NLRP5: variants seen among roughly 807,000 people sequenced by gnomAD.
The protein encoded by NLRP5 is NACHT, LRR and PYD domains-containing protein 5.
In NLRP5, 93 loss-of-function variants were observed where a neutral mutation model predicts 113.1. The ratio of observed to expected loss-of-function variants is 0.82; its 90% CI spans 0.70 to 0.98. The LOEUF (loss-of-function observed/expected upper bound fraction) is 0.98, where lower values mean the gene tolerates loss of function less well. NLRP5 is among the 50% of genes least tolerant of loss of function. The pLI is 0.00. For missense variants in NLRP5, 1,808 were observed against 1,514.3 expected (o/e 1.19, Z -3.22); for synonymous variants, 751 against 600.7 (o/e 1.25, Z -3.66).
rs1287116307 is a variant in NLRP5, at chr19:56,038,195, T to C, written c.2786T>C (p.Ile929Thr). 2.5e-6 allele frequency: 4 copies of C among 1,613,064 alleles called. No homozygotes were observed. The highest frequency in any genetic ancestry group is 2.5e-6 in the Non-Finnish European group (3 of 1,179,366). Residue 929 changes from isoleucine to threonine, a missense_variant and splice_region_variant, in exon 10 of 15, where the codon ATA becomes ACA. Ile to Thr is a moderately conservative substitution (Grantham distance 89). Transcript: ENST00000390649. ...TCCCAGTGCGCCCTGCAGAAGCTGATGTGAGTGCCACTTCCTTTCCACCAG... is the reference window on the plus strand; with the variant it reads ...TCCCAGTGCGCCCTGCAGAAGCTGACGTGAGTGCCACTTCCTTTCCACCAG...
chr19:56,040,028 G>A (rs1435261145), intron 10 of NLRP5, among the ~76,000 whole-genome samples: 1 of 152,152 alleles, frequency 6.6e-6, no homozygotes, highest in Non-Finnish European at 1.5e-5. Context: ...ACAGCTCACT[G>A]CAGCCTCTAC....
chr19:56,016,361 C>T lies in NLRP5; in HGVS notation c.565+563C>T, dbSNP rs185113979. 2.4e-3 allele frequency among the ~76,000 whole-genome samples: 369 copies of T among 152,132 alleles called. 3 individuals are homozygous for T. The highest frequency in any genetic ancestry group is 0.019 in the South Asian group (91 of 4,822). On this transcript the variant is annotated intron_variant, in intron 4 of 14. Coordinates refer to ENST00000390649, the MANE Select transcript of NLRP5 (RefSeq NM_153447.4). ...AGAGACAGGGTTTCTGCATGTTGGT[C>T]AGGCTGGTCTGGAACTCCCGACCTC...
At chr19:55,992,248 T>C in the NLRP5 span, among the ~76,000 whole-genome samples, 1 of 152,200 alleles carries the variant, frequency 6.6e-6, no homozygotes, top group East Asian at 1.9e-4. Flanking sequence ...GTGTACCACA[T>C]TTTCTTTATC....
chr19:56,053,941 G>C, intron 13 of NLRP5, 133 bp downstream of exon 13: 1 of 747,610 alleles, frequency 1.3e-6, no homozygotes, highest in Non-Finnish European at 2.2e-6. Context: ...TGCAACCTTC[G>C]CAGCACCACA....
At chr19:56,035,655 AT>A (rs1359626238) in intron 9 of NLRP5, among the ~76,000 whole-genome samples, 2 of 152,174 alleles carry the variant, frequency 1.3e-5, no homozygotes, top group Non-Finnish European at 2.9e-5. Context: ...CAACTAATGA[AT>A]TTACCTTCTC....
At chr19:56,054,567 GAAAA>G (rs10537523) in intron 13 of NLRP5, among the ~76,000 whole-genome samples, 13,488 of 139,148 alleles carry the variant, frequency 0.097, 755 homozygotes, top group East Asian at 0.21. Flanking sequence ...CAAAAAAAGT[GAAAA>G]AAAAAAAAAA....
upstream of NLRP5, among the ~76,000 whole-genome samples, chr19:55,998,817 A>G (rs114413395): frequency 0.01 from 1,523 of 150,454 alleles, 30 homozygotes; most frequent in African/African-American, 0.035. Context: ...TTAATTGACA[A>G]TAATTGTATA....
upstream of NLRP5, among the ~76,000 whole-genome samples, chr19:55,996,203 C>T (rs1751984847): frequency 6.6e-6 from 1 of 152,178 alleles, no homozygotes; most frequent in South Asian, 2.1e-4. Context: ...AAGTGGGCAC[C>T]CTGTGTGCCA....
At chr19:56,005,476 T>TAC (rs370942099) in intron 2 of NLRP5, among the ~76,000 whole-genome samples, 36 of 146,324 alleles carry the variant, frequency 2.5e-4, no homozygotes, top group African/African-American at 6.3e-4. Flanking sequence ...CACATATTTA[T>TAC]ACACACACAC....
intron 2 of NLRP5, among the ~76,000 whole-genome samples, chr19:56,005,643 C>T (rs530298492): frequency 1.8e-3 from 215 of 122,448 alleles, no homozygotes; most frequent in Non-Finnish European, 2.9e-3. Flanking sequence ...CACACACACA[C>T]GCGCGCAGGT....
chr19:56,029,673 C>G (rs1983016666), intron 7 of NLRP5, among the ~76,000 whole-genome samples: 1 of 152,222 alleles, frequency 6.6e-6, no homozygotes, highest in Non-Finnish European at 1.5e-5. Flanking sequence ...TGACCCAGAA[C>G]ACAGCAGTGA....
At chr19:56,038,445 A>T (rs1363355871) in intron 10 of NLRP5, among the ~76,000 whole-genome samples, 1 of 152,176 alleles carries the variant, frequency 6.6e-6, no homozygotes, top group Non-Finnish European at 1.5e-5. Context: ...GAAATTGCAT[A>T]ATGACCTTCC....
intron 1 of NLRP5, among the ~76,000 whole-genome samples, chr19:56,002,943 A>T (rs563313645): frequency 6.6e-6 from 1 of 152,200 alleles, no homozygotes; most frequent in African/African-American, 2.4e-5. Flanking sequence ...GATCATTAAA[A>T]AGTCAGGAAA....
chr19:56,014,349 G>A (rs868583348), intron 3 of NLRP5, among the ~76,000 whole-genome samples: 16 of 152,044 alleles, frequency 1.1e-4, no homozygotes, highest in East Asian at 1.9e-4. Flanking sequence ...GCATGGTGGC[G>A]CTTTCCTGTA....
intron 6 of NLRP5, among the ~76,000 whole-genome samples, chr19:56,022,076 G>A (rs1305035745): frequency 1.3e-5 from 2 of 152,198 alleles, no homozygotes; most frequent in African/African-American, 4.8e-5. Flanking sequence ...ATGGTTGCCA[G>A]TGTTGTCAAC....
At position 56,040,407 on chromosome 19, in the gene NLRP5, T is replaced by G. The variant is rs146198683; in HGVS notation, c.2787-515T>G. ...ATATGGTGAAGCCCTGTCTCTACCATAAATACAAAAATTAGTCAAACATGG... is the reference window on the plus strand; with the variant it reads ...ATATGGTGAAGCCCTGTCTCTACCAGAAATACAAAAATTAGTCAAACATGG... On this transcript the variant is annotated intron_variant, in intron 10 of 14. Transcript: ENST00000390649. Among the ~76,000 whole-genome samples, 321 of 152,018 alleles carry G rather than the reference T, an allele frequency of 2.1e-3. 2 individuals are homozygous for G. The highest frequency in any genetic ancestry group is 6.5e-3 in the African/African-American group (271 of 41,464).
chr19:55,990,835 AAAG>A, the NLRP5 span, among the ~76,000 whole-genome samples: 1 of 151,972 alleles, frequency 6.6e-6, no homozygotes, highest in African/African-American at 2.4e-5. Context: ...AAAAAGAAAA[AAAG>A]CTGGGCATGG....
chr19:56,041,804 C>T (rs1488269951), intron 11 of NLRP5, among the ~76,000 whole-genome samples: 2 of 152,072 alleles, frequency 1.3e-5, no homozygotes, highest in Non-Finnish European at 2.9e-5. Flanking sequence ...AAAAAATTAG[C>T]CGGGTGTGGT....
Position 56,060,447 on chromosome 19 carries a change from G to A in NLRP5, c.3471-949G>A, listed in dbSNP as rs78967386. ...CATATAATGAAACCAATGTTTTCTC[G>A]TTGTTATAGCAATGACTCTGAAGAA... On this transcript the variant is annotated intron_variant, in intron 14 of 14. Transcript: ENST00000390649. 1.1e-4 allele frequency among the ~76,000 whole-genome samples: 17 copies of A among 152,112 alleles called. No individual in the cohort carries two copies. In the East Asian group the frequency reaches 1.2e-3, roughly 10 times the overall value.
Sources: gnomAD v4.1 joint callset for allele counts (sites outside exome capture counted in the v4.1 genomes callset) on GRCh38, gnomAD v4.1.1 for gene constraint, MANE v1.5 for transcripts, NCBI Gene and HGNC (gene_info 2026-07-23, HGNC 2026-07-21) for gene names.